TWNK: variants seen among roughly 807,000 people sequenced by gnomAD.
TWNK encodes the protein twinkle mtDNA helicase.
Under a neutral mutation model 58.2 loss-of-function variants are expected in TWNK, and 36 were observed. The observed-to-expected ratio is 0.62, with a 90% confidence interval of 0.47 to 0.82. TWNK has a LOEUF of 0.82. TWNK is among the 40% of genes least tolerant of loss of function. The probability of loss-of-function intolerance (pLI) is 0.00; values close to 1 mark genes in which losing one functional copy is unlikely to be tolerated. For missense variants in TWNK, 714 were observed against 881.0 expected, an observed-to-expected ratio of 0.81 and a Z score of 2.40; for synonymous variants, 349 against 348.5, an observed-to-expected ratio of 1.00 and a Z score of -0.02.
chr10:100,990,304 C>T (rs751022673), intron 2 of TWNK, 132 bp from the exon 3 acceptor site: 5 of 788,196 alleles, frequency 6.3e-6, no homozygotes, highest in Non-Finnish European at 1.1e-5. Flanking sequence ...CAGAGCAAGA[C>T]CTTGTCTCAA....
chr10:100,988,624 G>A lies in TWNK; in HGVS notation c.414G>A (p.Glu138=). 6.2e-7 allele frequency: 1 copy of A among 1,613,976 alleles called. No individual in the cohort carries two copies. Among genetic ancestry groups the A allele is most frequent in the Admixed American group, 1.7e-5 (1 of 60,030 alleles). Residue 138 remains glutamate, a synonymous_variant, in exon 1 of 5, where the codon GAG becomes GAA. Coordinates refer to ENST00000311916, the MANE Select transcript of TWNK (RefSeq NM_021830.5). The surrounding 1 kb of genome is among the most constrained non-coding windows in gnomAD (Gnocchi z 5.2). ...SVEGRGDGAR[E]GFLLSKAPEF... ...AGGGGCGAGGGGATGGGGCCAGGGA[G>A]GGGTTTCTGCTTAGCAAGGCACCAG...
At chr10:100,991,164 G>A in intron 4 of TWNK, 154 bp downstream of exon 4, 1 of 1,133,552 alleles carries the variant, frequency 8.8e-7, no homozygotes, top group East Asian at 2.6e-5. Flanking sequence ...TATATGTGCT[G>A]GAAATACAAA....
chr10:100,988,618 C>A lies in TWNK; in HGVS notation c.408C>A (p.Ala136=), dbSNP rs1431364361. 2 of 1,613,710 alleles carry A rather than the reference C, an allele frequency of 1.2e-6. No homozygotes were observed. Among genetic ancestry groups the A allele is most frequent in the Non-Finnish European group, 1.7e-6 (2 of 1,180,018 alleles). ...QASVEGRGDG[A]REGFLLSKAP... ...GCGTGGAGGGGCGAGGGGATGGGGC[C>A]AGGGAGGGGTTTCTGCTTAGCAAGG... The change falls in exon 1 of 5, where the codon GCC becomes GCA. Residue 136 remains alanine (A), a synonymous_variant. Coordinates refer to ENST00000311916, the MANE Select transcript of TWNK (RefSeq NM_021830.5). This position sits in a 1 kb window ranked among gnomAD's most constrained non-coding sequence, Gnocchi z 5.2.
rs1241545270 is a variant in TWNK at position 100,988,130 on chromosome 10, C to A, written c.-81C>A. 6.8e-7 allele frequency: 1 copy of A among 1,468,944 alleles called. No individual in the cohort carries two copies. The highest frequency in any genetic ancestry group is 1.4e-5 in the African/African-American group (1 of 71,806). 91.0% of individuals were successfully genotyped at this position (1,468,944 alleles called of 1,614,324 possible). ...CTCTGCAGAGTGCTGCGTGGGATAT[C>A]CCTAGAGTTTGGTCTAGTGAAGGCA... On this transcript the variant is annotated 5_prime_UTR_variant, in exon 1 of 5. Transcript: ENST00000311916. The surrounding 1 kb of genome is among the most constrained non-coding windows in gnomAD (Gnocchi z 5.2).
rs373741697 is a variant in TWNK at position 100,993,477 on chromosome 10, C to A, written c.2022C>A (p.Pro674=). The A allele has an allele frequency of 6.2e-7, 1 of 1,614,184 alleles. No homozygotes were observed. The highest frequency in any genetic ancestry group is 8.5e-7 in the Non-Finnish European group (1 of 1,180,036). ...SEICSGQAPT[P]DQPDTSKRSK is the part of the protein sequence containing the mutation. Reference sequence around the variant, plus strand: ...TTTGCTCAGGCCAGGCCCCCACTCCCGACCAGCCAGACACCTCCAAGCGTT... The same window carrying A: ...TTTGCTCAGGCCAGGCCCCCACTCCAGACCAGCCAGACACCTCCAAGCGTT... Residue 674 remains proline (P), a synonymous_variant, in exon 5 of 5, where the codon CCC becomes CCA. Coordinates refer to ENST00000311916, the MANE Select transcript of TWNK (RefSeq NM_021830.5).
intron 4 of TWNK, among the ~76,000 whole-genome samples, chr10:100,992,638 A>T (rs1165559382): frequency 6.6e-6 from 1 of 150,832 alleles, no homozygotes; most frequent in Middle Eastern, 3.4e-3. Flanking sequence ...CCCGCTGTGG[A>T]GAAGGAGAGG....
rs966723471 is a variant in TWNK at position 100,988,842 on chromosome 10, C to A, written c.632C>A (p.Pro211His). Residue 211 changes from proline to histidine, a missense_variant, in exon 1 of 5, where the codon CCT (proline) becomes CAT (histidine). Physicochemically the swap from Pro to His is moderately conservative, Grantham distance 77 (BLOSUM62 -2). Coordinates refer to ENST00000311916, the MANE Select transcript of TWNK (RefSeq NM_021830.5). This position sits in a 1 kb window ranked among gnomAD's most constrained non-coding sequence, Gnocchi z 5.2. ...AGTCTTGTCTTCCCTTGGTTCTCCC[C>A]TGGGGGCTCAGGATTACGAGGCCTG... ...ARSLVFPWFS[P>H]GGSGLRGLKL... The A allele has an allele frequency of 1.2e-6, 2 of 1,614,216 alleles. No individual in the cohort carries two copies. The highest frequency in any genetic ancestry group is 1.7e-5 in the Admixed American group (1 of 60,026).
chr10:100,991,048 A>G, intron 4 of TWNK, 38 bp downstream of exon 4: 1 of 1,613,458 alleles, frequency 6.2e-7, no homozygotes, highest in Non-Finnish European at 8.5e-7. Flanking sequence ...TTTGGAAAAT[A>G]GAGTGGGTAG....
chr10:100,990,530 C>T lies in TWNK; in HGVS notation c.1579C>T (p.Leu527=). Residue 527 remains leucine (L), a synonymous_variant, in exon 3 of 5, where the codon CTG becomes TTG. Coordinates refer to ENST00000311916, the MANE Select transcript of TWNK (RefSeq NM_021830.5). ...NLQFMMGHEQ[L]STDRIAAQDY... ...GCAGTTCATGATGGGTCACGAGCAG[C>T]TGTCCACAGACAGGTGACGGTGACA... 6.2e-7 allele frequency: 1 copy of T among 1,614,184 alleles called. No individual in the cohort carries two copies. The highest frequency in any genetic ancestry group is 1.1e-5 in the South Asian group (1 of 91,084).
chr10:100,991,330 C>T (rs919262959), intron 4 of TWNK: 8 of 403,902 alleles, frequency 2.0e-5, no homozygotes, highest in Admixed American at 7.6e-5. Context: ...TGAGTCAGCC[C>T]GGGACATCTG....
At chr10:100,991,838 T>A (rs1190596683) in intron 4 of TWNK, among the ~76,000 whole-genome samples, 2 of 147,382 alleles carry the variant, frequency 1.4e-5, no homozygotes, top group Non-Finnish European at 3.0e-5. Context: ...GGTGAAACCC[T>A]GTCTCTACTA....
rs533186536 is a variant in TWNK, at chr10:100,993,074, T to C, written c.1735-116T>C. The C allele has an allele frequency of 2.2e-5, 24 of 1,115,172 alleles. No homozygotes were observed. The East Asian group carries it at 4.7e-4, about 22-fold the overall frequency. The allele number at this position is 1,115,172 out of a possible 1,614,324, so 69.1% of individuals were successfully genotyped here. Reference sequence around the variant, plus strand: ...GTTCTGGGATTACAGGCGTGAGCCATTGTACCCAGCCCCTCTCCCCATTCT... The same window carrying C: ...GTTCTGGGATTACAGGCGTGAGCCACTGTACCCAGCCCCTCTCCCCATTCT... On this transcript the variant is annotated intron_variant, in intron 4 of 4. Coordinates refer to ENST00000311916, the MANE Select transcript of TWNK (RefSeq NM_021830.5).
rs1590018153 is a variant in TWNK at position 100,988,784 on chromosome 10, C to T, written c.574C>T (p.Arg192Cys). The change falls in exon 1 of 5, where the codon CGT (arginine) becomes TGT (cysteine). Residue 192 changes from arginine (R) to cysteine (C), a missense_variant. Around this residue, in one of 3 missense-constraint regions of TWNK, gnomAD observed 348 missense variants for 388.4 expected, o/e 0.90. Transcript: ENST00000311916. This position sits in a 1 kb window ranked among gnomAD's most constrained non-coding sequence, Gnocchi z 5.2. ...CAAGGTTACAGATGACACACTCAAG[C>T]GTTTCAGTGTGCGATATCTGCGACC... ...LTKVTDDTLK[R>C]FSVRYLRPAR... is the part of the protein sequence containing the mutation. 1.9e-6 allele frequency: 3 copies of T among 1,614,176 alleles called. No individual in the cohort carries two copies. The highest frequency in any genetic ancestry group is 2.5e-6 in the Non-Finnish European group (3 of 1,180,022).
At chr10:100,991,956 G>T (rs1425576306) in intron 4 of TWNK, among the ~76,000 whole-genome samples, 1 of 151,124 alleles carries the variant, frequency 6.6e-6, no homozygotes, top group Admixed American at 6.6e-5. Context: ...GGCGGAGCTT[G>T]CAGTGAGCGG....
At chr10:100,990,080 G>A (rs1433588192) in intron 2 of TWNK, among the ~76,000 whole-genome samples, 196 bp downstream of exon 2, 2 of 150,146 alleles carry the variant, frequency 1.3e-5, no homozygotes, top group South Asian at 2.1e-4. Flanking sequence ...GAGGTGGGAG[G>A]ATCACTTGAG....
rs750098516 is a variant in TWNK at position 100,988,363 on chromosome 10, A to G, written c.153A>G (p.Pro51=). The part of the protein sequence containing the change: ...RKETLQALDM[P]VLPVTATEIR... ...AGACTCTCCAAGCCTTGGATATGCC[A>G]GTGTTGCCTGTAACTGCAACTGAAA... is the stretch of plus-strand genomic sequence containing the variant. The change falls in exon 1 of 5, where the codon CCA becomes CCG. Residue 51 remains proline, a synonymous_variant. Coordinates refer to ENST00000311916, the MANE Select transcript of TWNK (RefSeq NM_021830.5). This position sits in a 1 kb window ranked among gnomAD's most constrained non-coding sequence, Gnocchi z 5.2. 1 of 1,614,284 alleles carries G rather than the reference A, an allele frequency of 6.2e-7. No homozygotes were observed. The highest frequency in any genetic ancestry group is 8.5e-7 in the Non-Finnish European group (1 of 1,180,048).
chr10:100,988,347 A>G lies in TWNK; in HGVS notation c.137A>G (p.Gln46Arg). 6.2e-7 allele frequency: 1 copy of G among 1,614,272 alleles called. No homozygotes were observed. The highest frequency in any genetic ancestry group is 8.5e-7 in the Non-Finnish European group (1 of 1,180,048). The change falls in exon 1 of 5, where the codon CAA (glutamine) becomes CGA (arginine). Residue 46 changes from glutamine to arginine, a missense_variant. Transcript: ENST00000311916. This position sits in a 1 kb window ranked among gnomAD's most constrained non-coding sequence, Gnocchi z 5.2. ...AGACGTTACAGGAAGGAGACTCTCC[A>G]AGCCTTGGATATGCCAGTGTTGCCT... ...PRRRYRKETL[Q>R]ALDMPVLPVT...
rs863223917 is a variant in TWNK at position 100,988,548 on chromosome 10, G to C, written c.338G>C (p.Cys113Ser). Residue 113 changes from cysteine (C) to serine (S), a missense_variant, in exon 1 of 5, where the codon TGC (cysteine) becomes TCC (serine). Around this residue, in one of 3 missense-constraint regions of TWNK, gnomAD observed 348 missense variants for 388.4 expected, o/e 0.90. Coordinates refer to ENST00000311916, the MANE Select transcript of TWNK (RefSeq NM_021830.5). The surrounding 1 kb of genome is among the most constrained non-coding windows in gnomAD (Gnocchi z 5.2). ...FIDKTTGHFLCMTSLAEGSWE... is the reference protein window; with the variant it reads ...FIDKTTGHFLSMTSLAEGSWE... ...GACAAGACCACAGGCCACTTTCTCT[G>C]CATGACCAGCCTAGCAGAAGGGAGC... is the stretch of plus-strand genomic sequence containing the variant. 1.9e-6 allele frequency: 3 copies of C among 1,614,010 alleles called. No homozygotes were observed. Among genetic ancestry groups the C allele is most frequent in the Non-Finnish European group, 2.5e-6 (3 of 1,180,056 alleles).
Position 100,989,405 on chromosome 10 carries a change from A to G in TWNK, c.1195A>G (p.Asn399Asp). Residue 399 changes from asparagine (N) to aspartate (D), a missense_variant, in exon 1 of 5, where the codon AAT (asparagine) becomes GAT (aspartate). Around this residue, in one of 3 missense-constraint regions of TWNK, gnomAD observed 302 missense variants for 438.6 expected, o/e 0.69. Coordinates refer to ENST00000311916, the MANE Select transcript of TWNK (RefSeq NM_021830.5). This position sits in a 1 kb window ranked among gnomAD's most constrained non-coding sequence, Gnocchi z 7.6. ...GLRWSRFPDL[N>D]RILKGHRKGE... ...CCGCTGGAGCCGCTTTCCAGACCTC[A>G]ATCGTATCTTGAAGGGACATCGAAA... is the stretch of plus-strand genomic sequence containing the variant. The G allele has an allele frequency of 8.7e-6, 14 of 1,614,166 alleles. No individual in the cohort carries two copies. Among genetic ancestry groups the G allele is most frequent in the Non-Finnish European group, 1.2e-5 (14 of 1,180,030 alleles).
Sources: gnomAD v4.1 joint callset for allele counts (sites outside exome capture counted in the v4.1 genomes callset) on GRCh38, gnomAD v4.1.1 for gene constraint, gnomAD v4.1.1 regional missense constraint, Gnocchi (gnomAD v3.1) non-coding constraint, MANE v1.5 for transcripts, NCBI Gene and HGNC (gene_info 2026-07-23, HGNC 2026-07-21) for gene names.